The following LHFPL3 variants were observed in gnomAD, a reference collection of about 807,000 sequenced individuals.
LHFPL3 encodes LHFPL tetraspan subfamily member 3 protein.
LHFPL3 carries 5 observed loss-of-function variants against 19.3 expected under a neutral mutation model. The ratio of observed to expected loss-of-function variants is 0.26; its 90% CI spans 0.14 to 0.54. The LOEUF (loss-of-function observed/expected upper bound fraction) is 0.54. LHFPL3 is among the 20% of genes least tolerant of loss of function. The probability of loss-of-function intolerance (pLI) is 0.94; values close to 1 mark genes in which losing one functional copy is unlikely to be tolerated. For synonymous variants in LHFPL3, 133 were observed against 126.2 expected (o/e 1.05, Z -0.36); for missense variants, 249 against 307.4 (o/e 0.81, Z 1.42).
chr7:104,545,526 G>GCT (rs1412321998), intron 1 of LHFPL3, among the ~76,000 whole-genome samples: 1 of 152,156 alleles, frequency 6.6e-6, no homozygotes, highest in Non-Finnish European at 1.5e-5. Flanking sequence ...GTGAAGAAGG[G>GCT]CTCTGATCCT....
intron 2 of LHFPL3, among the ~76,000 whole-genome samples, chr7:104,817,649 A>G (rs1299068736): frequency 6.6e-6 from 1 of 152,262 alleles, no homozygotes; most frequent in East Asian, 1.9e-4. Context: ...ATCCCTGGGA[A>G]CTCAGGGGCC....
Position 104,906,432 on chromosome 7 carries a change from G to A in LHFPL3, c.*217G>A. The A allele has an allele frequency of 3.6e-6, 2 of 561,352 alleles. No individual in the cohort carries two copies. The highest frequency in any genetic ancestry group is 1.9e-5 in the African/African-American group (1 of 52,890). The allele number at this position is 561,352 out of a possible 1,614,324, so 34.8% of individuals were successfully genotyped here. On this transcript the variant is annotated 3_prime_UTR_variant, in exon 3 of 3. Coordinates refer to ENST00000424859, the MANE Select transcript of LHFPL3 (RefSeq NM_199000.3). ...ATTTTCTGGAAAGAGATGTGATCAT[G>A]GATTAAACACCAGCTCATTGGAAAC... is the stretch of plus-strand genomic sequence containing the variant.
intron 1 of LHFPL3, among the ~76,000 whole-genome samples, chr7:104,415,146 G>A (rs1277491303): frequency 6.6e-6 from 1 of 152,064 alleles, no homozygotes; most frequent in East Asian, 1.9e-4. Flanking sequence ...GTGGGAAAAC[G>A]ATTCTTAATC....
At chr7:104,522,952 GTCTC>G (rs1179665594) in intron 1 of LHFPL3, among the ~76,000 whole-genome samples, 2 of 133,020 alleles carry the variant, frequency 1.5e-5, no homozygotes, top group Non-Finnish European at 3.3e-5. Context: ...TCTGCTGTCT[GTCTC>G]TCTCTCTATA....
intron 2 of LHFPL3, among the ~76,000 whole-genome samples, chr7:104,743,830 C>A (rs111943075): frequency 0.011 from 1,695 of 152,092 alleles, 31 homozygotes; most frequent in African/African-American, 0.038. Context: ...ATCATGTAAT[C>A]AATTCTTTTT....
intron 1 of LHFPL3, among the ~76,000 whole-genome samples, chr7:104,452,798 A>C (rs762316450): frequency 6.6e-6 from 1 of 152,202 alleles, no homozygotes; most frequent in African/African-American, 2.4e-5. Context: ...ACAAAAGTTT[A>C]AGTTAAAAGG....
intron 2 of LHFPL3, among the ~76,000 whole-genome samples, chr7:104,798,088 A>C (rs1156928538): frequency 1.3e-5 from 2 of 152,174 alleles, no homozygotes; most frequent in Non-Finnish European, 1.5e-5. Flanking sequence ...CCAGTTAGGC[A>C]TGGCAGGCCA....
intron 1 of LHFPL3, among the ~76,000 whole-genome samples, chr7:104,448,646 T>TTTCA (rs1488613038): frequency 6.6e-6 from 1 of 152,226 alleles, no homozygotes; most frequent in African/African-American, 2.4e-5. Flanking sequence ...CAATGTTCTA[T>TTTCA]TTCAATGTAA....
intron 1 of LHFPL3, among the ~76,000 whole-genome samples, chr7:104,730,529 T>C (rs773798088): frequency 2.6e-5 from 4 of 152,256 alleles, no homozygotes; most frequent in Non-Finnish European, 5.9e-5. Flanking sequence ...GTCTGGTGGC[T>C]GCATAAATGT....
At chr7:104,868,745 CA>C (rs931904979) in intron 2 of LHFPL3, among the ~76,000 whole-genome samples, 1 of 152,058 alleles carries the variant, frequency 6.6e-6, no homozygotes, top group Non-Finnish European at 1.5e-5. Context: ...CATATAGAAC[CA>C]AAAAAGAGCC....
At chr7:104,539,962 G>A (rs997376667) in intron 1 of LHFPL3, among the ~76,000 whole-genome samples, 14 of 152,136 alleles carry the variant, frequency 9.2e-5, no homozygotes, top group Admixed American at 2.6e-4. Flanking sequence ...TGCACGAAAT[G>A]CAGAAGTCTG....
At chr7:104,777,155 C>T (rs1794648647) in intron 2 of LHFPL3, among the ~76,000 whole-genome samples, 1 of 152,120 alleles carries the variant, frequency 6.6e-6, no homozygotes, top group Admixed American at 6.6e-5. Context: ...TAATATGTGG[C>T]CTTGGGAGAA....
chr7:104,798,178 T>C (rs1002231323), intron 2 of LHFPL3, among the ~76,000 whole-genome samples: 2 of 152,200 alleles, frequency 1.3e-5, no homozygotes, highest in Admixed American at 6.5e-5. Context: ...CACTTACATA[T>C]CTTCTCCTCA....
chr7:104,675,404 C>T (rs1412739587), intron 1 of LHFPL3, among the ~76,000 whole-genome samples: 1 of 152,198 alleles, frequency 6.6e-6, no homozygotes, highest in Non-Finnish European at 1.5e-5. Flanking sequence ...CTTCGCTCTA[C>T]TCCTTCCCTG....
Position 104,403,725 on chromosome 7 carries a change from T to TTCTCTCTCTC in LHFPL3, c.445+74526_445+74535dup, listed in dbSNP as rs71786184. ...AATCTAATCATGTCCTTAGTGAACA[T>TTCTCTCTCTC]TCTCTCTCTCTCTCTCTCTCTCTCT... On this transcript the variant is annotated intron_variant, in intron 1 of 2. Transcript: ENST00000424859. Among the ~76,000 whole-genome samples, 630 of 143,694 alleles carry TTCTCTCTCTC rather than the reference T, an allele frequency of 4.4e-3. 13 individuals are homozygous for TTCTCTCTCTC. The highest frequency in any genetic ancestry group is 0.016 in the African/African-American group (593 of 38,156). The allele number at this position is 143,694 out of a possible 152,430, so 94.3% of individuals were successfully genotyped here. A position where few individuals can be genotyped will look rare whatever the true frequency, so the allele number is the denominator to read the frequency against.
At chr7:104,442,300 CTT>C (rs1792243045) in intron 1 of LHFPL3, among the ~76,000 whole-genome samples, 1 of 150,934 alleles carries the variant, frequency 6.6e-6, no homozygotes, top group Non-Finnish European at 1.5e-5. Flanking sequence ...GATATTAACT[CTT>C]TGTTTCAATT....
At chr7:104,527,129 T>A (rs924922543) in intron 1 of LHFPL3, among the ~76,000 whole-genome samples, 1 of 152,130 alleles carries the variant, frequency 6.6e-6, no homozygotes, top group Non-Finnish European at 1.5e-5. Context: ...CCAAGCTTGG[T>A]GTGCTCACCC....
chr7:104,823,342 C>T (rs750453581), intron 2 of LHFPL3, among the ~76,000 whole-genome samples: 133 of 152,292 alleles, frequency 8.7e-4, no homozygotes, highest in Non-Finnish European at 1.4e-3. Context: ...TTAACTACTC[C>T]AGGCCTCAGT....
intron 1 of LHFPL3, among the ~76,000 whole-genome samples, chr7:104,714,325 G>GAT (rs1054363539): frequency 2.0e-5 from 3 of 151,954 alleles, no homozygotes; most frequent in African/African-American, 7.3e-5. Flanking sequence ...AAAGTTATTG[G>GAT]AAGATCTTAC....
Sources: gnomAD v4.1 joint callset for allele counts (sites outside exome capture counted in the v4.1 genomes callset) on GRCh38, gnomAD v4.1.1 for gene constraint, MANE v1.5 for transcripts, NCBI Gene and HGNC (gene_info 2026-07-23, HGNC 2026-07-21) for gene names.